The following SUGT1 variants were observed in gnomAD, a reference collection of about 807,000 sequenced individuals.
The protein encoded by SUGT1 is protein SGT1 homolog.
SUGT1 carries 15 observed loss-of-function variants against 56.1 expected under a neutral mutation model. The observed-to-expected ratio is 0.27, with a 90% CI of 0.18 to 0.41. The LOEUF is 0.41. Ranked by LOEUF, SUGT1 falls within the 10% of genes least tolerant of loss-of-function variation. SUGT1 has a pLI of 1.00. For synonymous variants in SUGT1, 123 were observed against 128.6 expected (o/e 0.96, Z 0.30); for missense variants, 347 against 382.2 (o/e 0.91, Z 0.77).
chr13:52,677,198 T>G (rs990664785), intron 11 of SUGT1, among the ~76,000 whole-genome samples: 1 of 152,188 alleles, frequency 6.6e-6, no homozygotes, highest in African/African-American at 2.4e-5. Context: ...TGTGTTTGTG[T>G]GTGTGTGTAT....
chr13:52,656,152 T>C (rs532576762), intron 2 of SUGT1, among the ~76,000 whole-genome samples: 83 of 152,286 alleles, frequency 5.5e-4, no homozygotes, highest in Admixed American at 5.4e-3. Context: ...GCAAAGGAGA[T>C]GCAGTCAAAG....
Position 52,692,035 on chromosome 13 carries a change from T to G in SUGT1, c.*4200T>G, listed in dbSNP as rs1403421678. On this transcript the variant is annotated 3_prime_UTR_variant, in exon 13 of 13. Transcript: ENST00000310528. The stretch of plus-strand genomic sequence containing the variant: ...GCCTCACTTCCTACCTTAGTAAAGT[T>G]GCTCCTCCAAATCAGCTAAAATCAT... 7 of 152,216 alleles carry G rather than the reference T, an allele frequency of 4.6e-5. No individual in the cohort carries two copies. In the East Asian group the frequency reaches 1.3e-3, roughly 29 times the overall value. The allele number at this position is 152,216 out of a possible 1,614,324, so 9.4% of individuals were successfully genotyped here. A position where few individuals can be genotyped will look rare whatever the true frequency, so the allele number is the denominator to read the frequency against.
chr13:52,661,878 A>G (rs1457596376), intron 5 of SUGT1, among the ~76,000 whole-genome samples: 2 of 151,972 alleles, frequency 1.3e-5, no homozygotes, highest in African/African-American at 4.8e-5. Flanking sequence ...GAAATTTTTA[A>G]TTTAAGATTT....
chr13:52,653,336 C>T (rs938896413), intron 2 of SUGT1, among the ~76,000 whole-genome samples: 2 of 152,016 alleles, frequency 1.3e-5, no homozygotes, highest in African/African-American at 4.8e-5. Context: ...TGAGAAAAAC[C>T]TCCTCTATTT....
In SUGT1 at chr13:52,658,266, G is replaced by C. The variant is rs561901832; in HGVS notation, c.188-133G>C. 11 of 1,526,996 alleles carry C rather than the reference G, an allele frequency of 7.2e-6. No homozygotes were observed. The African/African-American group carries it at 1.5e-4, about 21-fold the overall frequency. The allele number at this position is 1,526,996 out of a possible 1,614,324, so 94.6% of individuals were successfully genotyped here. ...TTTATTTGAATTCTATCTTGTATTA[G>C]CTTTTCCTAATTTAAAACCATTTGG... On this transcript the variant is annotated intron_variant, in intron 3 of 12. Transcript: ENST00000310528.
chr13:52,662,424 T>G (rs1594234355), intron 5 of SUGT1, among the ~76,000 whole-genome samples: 1 of 152,214 alleles, frequency 6.6e-6, no homozygotes, highest in Admixed American at 6.5e-5. Context: ...TAGTTAAAAT[T>G]TTTAAAAAAT....
chr13:52,654,174 G>T (rs1048014009), intron 2 of SUGT1, among the ~76,000 whole-genome samples: 4 of 152,140 alleles, frequency 2.6e-5, no homozygotes, highest in African/African-American at 9.7e-5. Flanking sequence ...GGCCTTTTAG[G>T]GTCCAGGTGT....
At chr13:52,682,158 C>T (rs550324511) in intron 12 of SUGT1, among the ~76,000 whole-genome samples, 7 of 152,138 alleles carry the variant, frequency 4.6e-5, no homozygotes, top group African/African-American at 1.7e-4. Context: ...AGACTCTCTC[C>T]TATTTAAAAA....
intron 12 of SUGT1, 108 bp downstream of exon 12, chr13:52,680,263 T>G: frequency 9.6e-7 from 1 of 1,039,286 alleles, no homozygotes; most frequent in Non-Finnish European, 1.4e-6. Flanking sequence ...CTGGGAGAAC[T>G]TTTTGAATAA....
At position 52,659,219 on chromosome 13, in the gene SUGT1, G is replaced by C. The variant is rs1354316577; in HGVS notation, c.298G>C (p.Glu100Gln). Residue 100 changes from glutamate to glutamine, a missense_variant, in exon 5 of 13, where the codon GAA becomes CAA. Glu to Gln is a conservative substitution (Grantham distance 29, BLOSUM62 2). Coordinates refer to ENST00000310528, the MANE Select transcript of SUGT1 (RefSeq NM_006704.5). The stretch of plus-strand genomic sequence containing the variant: ...TGAAAAAAACTATGCTGCTGCCCTA[G>C]AAACTTTTACAGAAGGACAAAAATT... ...YHEKNYAAAL[E>Q]TFTEGQKLDS... 2 of 1,483,928 alleles carry C rather than the reference G, an allele frequency of 1.3e-6. No individual in the cohort carries two copies. The highest frequency in any genetic ancestry group is 3.0e-5 in the African/African-American group (2 of 67,722). The allele number at this position is 1,483,928 out of a possible 1,614,324, so 91.9% of individuals were successfully genotyped here.
intron 2 of SUGT1, among the ~76,000 whole-genome samples, chr13:52,653,908 A>G (rs1485932624): frequency 6.6e-6 from 1 of 152,210 alleles, no homozygotes; most frequent in African/African-American, 2.4e-5. Context: ...TTTTCTAGCT[A>G]TGACTTTTAT....
Position 52,688,973 on chromosome 13 carries a change from T to G in SUGT1, c.*1138T>G, listed in dbSNP as rs778213769. The G allele has an allele frequency of 2.6e-5, 4 of 152,170 alleles. No homozygotes were observed. Among genetic ancestry groups the G allele is most frequent in the Non-Finnish European group, 5.9e-5 (4 of 68,064 alleles). 9.4% of individuals were successfully genotyped at this position (152,170 alleles called of 1,614,324 possible). On this transcript the variant is annotated 3_prime_UTR_variant, in exon 13 of 13. Coordinates refer to ENST00000310528, the MANE Select transcript of SUGT1 (RefSeq NM_006704.5). ...ATCTGACTTTGTTTTCTCACCATGATTTTCTCAACTGTAATACCCCAGATG... is the reference window on the plus strand; with the variant it reads ...ATCTGACTTTGTTTTCTCACCATGAGTTTCTCAACTGTAATACCCCAGATG...
chr13:52,683,659 G>T (rs529179180), intron 12 of SUGT1, among the ~76,000 whole-genome samples: 1 of 152,164 alleles, frequency 6.6e-6, no homozygotes, highest in Non-Finnish European at 1.5e-5. Context: ...TGTATAATTG[G>T]TGTTAACTTT....
rs1168438406 is a variant in SUGT1 at position 52,699,389 on chromosome 13, A to T, written c.*11554A>T. 6.6e-6 allele frequency: 1 copy of T among 152,244 alleles called. No individual in the cohort carries two copies. Among genetic ancestry groups the T allele is most frequent in the African/African-American group, 2.4e-5 (1 of 41,470 alleles). 9.4% of individuals were successfully genotyped at this position (152,244 alleles called of 1,614,324 possible). On this transcript the variant is annotated 3_prime_UTR_variant, in exon 13 of 13. Transcript: ENST00000310528. ...AAATACTCAGAGAGAGCCATGGCAT[A>T]GTACTAATTAATAATGGGGTACCAT... is the stretch of plus-strand genomic sequence containing the variant.
At chr13:52,669,824 T>C (rs747947546) in intron 10 of SUGT1, among the ~76,000 whole-genome samples, 5 of 152,188 alleles carry the variant, frequency 3.3e-5, no homozygotes, top group Non-Finnish European at 5.9e-5. Flanking sequence ...AAATAAATGA[T>C]AAAATCTTTG....
At position 52,696,525 on chromosome 13, in the gene SUGT1, A is replaced by G. The variant is rs1963937607; in HGVS notation, c.*8690A>G. ...CCTTTCACATAGTATGTACTCAAAT[A>G]TTGGAAGTTACTCATCCCAAACCAT... On this transcript the variant is annotated 3_prime_UTR_variant, in exon 13 of 13. Coordinates refer to ENST00000310528, the MANE Select transcript of SUGT1 (RefSeq NM_006704.5). 1 of 152,168 alleles carries G rather than the reference A, an allele frequency of 6.6e-6. No individual in the cohort carries two copies. The highest frequency in any genetic ancestry group is 2.4e-5 in the African/African-American group (1 of 41,440). 9.4% of individuals were successfully genotyped at this position (152,168 alleles called of 1,614,324 possible).
chr13:52,663,214 A>AT, intron 7 of SUGT1, 102 bp downstream of exon 7: 1 of 1,208,662 alleles, frequency 8.3e-7, no homozygotes, highest in Non-Finnish European at 1.2e-6. Flanking sequence ...ATATTTAAAT[A>AT]TTAAGCAATT....
intron 11 of SUGT1, among the ~76,000 whole-genome samples, chr13:52,677,310 A>G (rs185965046): frequency 3.9e-5 from 6 of 152,324 alleles, no homozygotes; most frequent in Admixed American, 2.6e-4. Context: ...TGTCTTAACT[A>G]GTCCAATGAT....
At chr13:52,660,625 T>G (rs1462883707) in intron 5 of SUGT1, among the ~76,000 whole-genome samples, 1 of 152,202 alleles carries the variant, frequency 6.6e-6, no homozygotes, top group Non-Finnish European at 1.5e-5. Flanking sequence ...GAGGTCTGGG[T>G]GATAAGGCTT....
Sources: allele counts gnomAD v4.1 joint callset (sites outside exome capture counted in the v4.1 genomes callset), GRCh38; gene constraint gnomAD v4.1.1; transcripts MANE v1.5; gene names NCBI Gene and HGNC (gene_info 2026-07-23, HGNC 2026-07-21).